FNDC3A: variants seen among roughly 807,000 people sequenced by gnomAD.
FNDC3A encodes fibronectin type-III domain-containing protein 3A.
Under a neutral mutation model 148.9 loss-of-function variants are expected in FNDC3A, and 32 were observed. The ratio of observed to expected loss-of-function variants is 0.21; its 90% CI spans 0.16 to 0.29. The LOEUF is 0.29. FNDC3A is among the 10% of genes least tolerant of loss of function. The pLI, the probability that FNDC3A is intolerant of heterozygous loss-of-function variation, is 1.00. For missense variants in FNDC3A, 1,191 were observed against 1,452.8 expected (o/e 0.82, Z 2.93); for synonymous variants, 472 against 473.6 (o/e 1.00, Z 0.04).
chr13:49,175,346 T>C (rs771595497), intron 12 of FNDC3A, 21 bp from the exon 13 acceptor site: 2 of 1,529,878 alleles, frequency 1.3e-6, no homozygotes, highest in East Asian at 4.7e-5. Flanking sequence ...TCATGCCTTT[T>C]AAAACCATTT....
intron 8 of FNDC3A, among the ~76,000 whole-genome samples, chr13:49,151,568 C>CT (rs1463768248): frequency 6.6e-5 from 10 of 151,790 alleles, no homozygotes; most frequent in African/African-American, 1.9e-4. Context: ...TTTTTTGTTT[C>CT]TTTTTGTTTT....
chr13:49,140,070 C>T (rs1882602894), intron 7 of FNDC3A, among the ~76,000 whole-genome samples: 1 of 152,180 alleles, frequency 6.6e-6, no homozygotes, highest in African/African-American at 2.4e-5. Context: ...GGTGCAGTGG[C>T]TCACACTTTC....
rs527640768 is a variant in FNDC3A at position 49,176,068 on chromosome 13, G to T, written c.1530+527G>T. Among the ~76,000 whole-genome samples, 4 of 152,156 alleles carry T rather than the reference G, an allele frequency of 2.6e-5. No individual in the cohort carries two copies. In the East Asian group the frequency reaches 5.8e-4, roughly 22 times the overall value. On this transcript the variant is annotated intron_variant, in intron 13 of 25. Coordinates refer to ENST00000492622, the MANE Select transcript of FNDC3A (RefSeq NM_001079673.2). ...GAAGCCAACTTGATCATGGTTTTTC[G>T]ATGTGCTGCTGGATTCAATTTGCCA...
At chr13:49,121,067 T>TA (rs1426019945) in intron 4 of FNDC3A, among the ~76,000 whole-genome samples, 1 of 152,218 alleles carries the variant, frequency 6.6e-6, no homozygotes, top group East Asian at 1.9e-4. Flanking sequence ...ACATCACGCT[T>TA]ATTCTAAAAC....
chr13:49,013,637 C>G (rs922760200), intron 2 of FNDC3A, among the ~76,000 whole-genome samples: 3 of 150,298 alleles, frequency 2.0e-5, no homozygotes, highest in African/African-American at 4.9e-5. Context: ...TACATGTATA[C>G]ATGTACATGT....
intron 1 of FNDC3A, among the ~76,000 whole-genome samples, chr13:48,978,853 G>A (rs1440022592): frequency 6.6e-6 from 1 of 152,102 alleles, no homozygotes; most frequent in African/African-American, 2.4e-5. Flanking sequence ...TTGTTAAAAC[G>A]AAATTAGTGG....
intron 2 of FNDC3A, among the ~76,000 whole-genome samples, chr13:49,064,973 G>T (rs959523829): frequency 1.3e-5 from 2 of 152,162 alleles, no homozygotes; most frequent in African/African-American, 4.8e-5. Flanking sequence ...GTGGAAAATT[G>T]TATGAGTGAA....
rs773061333 is a variant in FNDC3A, at chr13:49,201,771, G to A, written c.2988-29G>A. 4.2e-5 allele frequency: 50 copies of A among 1,199,652 alleles called. No homozygotes were observed. The South Asian group carries it at 7.9e-4, about 19-fold the overall frequency. 74.3% of individuals were successfully genotyped at this position (1,199,652 alleles called of 1,614,324 possible). A position where few individuals can be genotyped will look rare whatever the true frequency, so the allele number is the denominator to read the frequency against. On this transcript the variant is annotated intron_variant, in intron 23 of 25. Transcript: ENST00000492622. ...AATAAGGTATCATAAGGTAGTATAA[G>A]GTTTATCTAATAGTTATTTCCATTT...
At chr13:49,094,879 A>G (rs960820360) in intron 3 of FNDC3A, among the ~76,000 whole-genome samples, 2 of 152,044 alleles carry the variant, frequency 1.3e-5, no homozygotes, top group Non-Finnish European at 2.9e-5. Context: ...AGGACCATTT[A>G]TTTGATATAT....
intron 2 of FNDC3A, among the ~76,000 whole-genome samples, chr13:49,042,413 A>G (rs1875009001): frequency 6.6e-6 from 1 of 151,826 alleles, no homozygotes; most frequent in Admixed American, 6.6e-5. Context: ...TTCTGCTCAT[A>G]TTTTTGTTTC....
rs1885872078 is a variant in FNDC3A at position 49,191,270 on chromosome 13, A to G, written c.2112A>G (p.Ile704Met). Residue 704 changes from isoleucine (I) to methionine (M), a missense_variant, in exon 19 of 26, where the codon ATA becomes ATG. This residue lies in a region of FNDC3A where 751 missense variants were observed against 944.0 expected (regional missense o/e 0.80). Transcript: ENST00000492622. ...GTTACAGTGTGGAAATGTCTCCTAT[A>G]GAAAAAGATGAACCTAGAGAAGTTT... ...ISCYSVEMSP[I>M]EKDEPREVYQ... 1.9e-6 allele frequency: 3 copies of G among 1,613,290 alleles called. No individual in the cohort carries two copies. In the African/African-American group the frequency reaches 4.0e-5, roughly 22 times the overall value.
chr13:49,119,008 A>G (rs1881153436), intron 4 of FNDC3A, among the ~76,000 whole-genome samples: 1 of 152,238 alleles, frequency 6.6e-6, no homozygotes, highest in Non-Finnish European at 1.5e-5. Context: ...AGCTCTGCTA[A>G]GGGACACATT....
chr13:48,998,811 G>A (rs906696375), intron 1 of FNDC3A, among the ~76,000 whole-genome samples: 5 of 152,190 alleles, frequency 3.3e-5, no homozygotes, highest in Non-Finnish European at 7.3e-5. Flanking sequence ...AGATTAGCAT[G>A]GGTGTAAACC....
At chr13:49,090,053 A>G (rs1213321288) in intron 3 of FNDC3A, among the ~76,000 whole-genome samples, 1 of 152,148 alleles carries the variant, frequency 6.6e-6, no homozygotes, top group Non-Finnish European at 1.5e-5. Flanking sequence ...GCTCACCACC[A>G]TGTCCATGTG....
At chr13:49,081,191 G>A (rs1199012437) in intron 3 of FNDC3A, among the ~76,000 whole-genome samples, 4 of 152,130 alleles carry the variant, frequency 2.6e-5, no homozygotes, top group Non-Finnish European at 5.9e-5. Flanking sequence ...TGGGGCTAAC[G>A]AGTAAGAATT....
intron 3 of FNDC3A, among the ~76,000 whole-genome samples, chr13:49,097,607 G>C (rs1017888461): frequency 6.6e-6 from 1 of 152,084 alleles, no homozygotes. Context: ...TGCTTTAAGT[G>C]TACAGGCCTA....
chr13:49,204,385 T>C (rs1886554706), intron 25 of FNDC3A, among the ~76,000 whole-genome samples: 2 of 152,314 alleles, frequency 1.3e-5, no homozygotes, highest in Admixed American at 6.5e-5. Context: ...TTGTGTCTTA[T>C]ATTTTCCTCT....
At chr13:49,004,469 A>T (rs888664255) in intron 1 of FNDC3A, among the ~76,000 whole-genome samples, 1 of 152,194 alleles carries the variant, frequency 6.6e-6, no homozygotes, top group East Asian at 1.9e-4. Flanking sequence ...GAAAATTTTA[A>T]AAAGGTAATA....
At chr13:49,026,402 T>G (rs1488559888) in intron 2 of FNDC3A, among the ~76,000 whole-genome samples, 1 of 152,272 alleles carries the variant, frequency 6.6e-6, no homozygotes, top group African/African-American at 2.4e-5. Flanking sequence ...GATACAATAC[T>G]GTCTACTTTT....
Sources: gnomAD v4.1 joint callset for allele counts (sites outside exome capture counted in the v4.1 genomes callset) on GRCh38, gnomAD v4.1.1 for gene constraint, gnomAD v4.1.1 regional missense constraint, MANE v1.5 for transcripts, NCBI Gene and HGNC (gene_info 2026-07-23, HGNC 2026-07-21) for gene names.